Variants in KLRG1 observed in about 807,000 individuals in gnomAD.
KLRG1 encodes the protein killer cell lectin like receptor G1, also known as killer cell lectin-like receptor subfamily G member 1.
KLRG1 carries 16 observed loss-of-function variants against 21.8 expected under a neutral mutation model. The observed-to-expected ratio is 0.73, with a 90% CI of 0.50 to 1.11. The LOEUF is 1.11. Among genes scored for constraint, KLRG1 ranks in the 50% most tolerant of loss-of-function variants. The pLI is 0.00. For synonymous variants in KLRG1, 69 were observed against 75.9 expected (o/e 0.91, Z 0.47); for missense variants, 173 against 218.3 (o/e 0.79, Z 1.31).
chr12:8,971,223 G>A (rs1946561227), intron 1 of KLRG1: 2 of 151,436 alleles, frequency 1.3e-5, no homozygotes, highest in African/African-American at 2.4e-5. Flanking sequence ...AGTTTTCTTT[G>A]TGGGTAAGTG....
the KLRG1 span, among the ~76,000 whole-genome samples, chr12:9,102,555 T>G: frequency 6.6e-6 from 1 of 152,282 alleles, no homozygotes; most frequent in Admixed American, 6.5e-5. Flanking sequence ...ATCTGGATTC[T>G]AATACCTCAG....
chr12:9,174,742 T>C, the KLRG1 span, among the ~76,000 whole-genome samples: 2 of 152,096 alleles, frequency 1.3e-5, no homozygotes, highest in Non-Finnish European at 2.9e-5. Flanking sequence ...TACCTAGGAA[T>C]ACAGCTAACA....
At chr12:9,166,032 A>G in the KLRG1 span, 1 of 1,585,218 alleles carries the variant, frequency 6.3e-7, no homozygotes, top group African/African-American at 1.4e-5. Context: ...CAGCAAATGG[A>G]GGAAAGTAAA....
the KLRG1 span, among the ~76,000 whole-genome samples, chr12:9,054,331 A>C: frequency 2.0e-5 from 3 of 152,154 alleles, no homozygotes; most frequent in African/African-American, 7.2e-5. Context: ...TTATTTTTAA[A>C]ATTTAAATAT....
chr12:9,042,879 G>A, the KLRG1 span, among the ~76,000 whole-genome samples: 1 of 152,244 alleles, frequency 6.6e-6, no homozygotes, highest in African/African-American at 2.4e-5. Context: ...GCAGAGGGAA[G>A]AGGAATGGAG....
In KLRG1 at chr12:8,982,748, C is replaced by T. The variant is rs187139772; in HGVS notation, c.-155-9458C>T. On this transcript the variant is annotated intron_variant, in intron 1 of 4. Coordinates refer to the KLRG1 transcript ENST00000539240. ...GCAACCTCCACCTTTTGGGTTCAAGCAATTCTCCTGCCTCAGCCTCCCAAA... is the reference window on the plus strand; with the variant it reads ...GCAACCTCCACCTTTTGGGTTCAAGTAATTCTCCTGCCTCAGCCTCCCAAA... Among the ~76,000 whole-genome samples the T allele has an allele frequency of 3.4e-4, 52 of 151,206 alleles. No homozygotes were observed. The East Asian group carries it at 0.01, about 29-fold the overall frequency.
chr12:9,005,564 A>G (rs1335946620), intron 3 of KLRG1, among the ~76,000 whole-genome samples: 1 of 152,202 alleles, frequency 6.6e-6, no homozygotes, highest in Non-Finnish European at 1.5e-5. Flanking sequence ...CAGACGATAC[A>G]AGAAGCTGAG....
At chr12:9,112,319 T>A in the KLRG1 span, 2 of 1,598,720 alleles carry the variant, frequency 1.3e-6, no homozygotes, top group Non-Finnish European at 1.7e-6. Flanking sequence ...CTGGGGAACA[T>A]CCAGGGGAAG....
At chr12:8,965,133 A>G (rs1946446908) in intron 1 of KLRG1, among the ~76,000 whole-genome samples, 1 of 152,210 alleles carries the variant, frequency 6.6e-6, no homozygotes, top group Non-Finnish European at 1.5e-5. Context: ...ACAAAATTCA[A>G]CAACACTTCA....
chr12:9,145,087 A>C, the KLRG1 span, among the ~76,000 whole-genome samples: 1 of 152,190 alleles, frequency 6.6e-6, no homozygotes, highest in Non-Finnish European at 1.5e-5. Flanking sequence ...AGTACCTTGT[A>C]TATAGAATAT....
At chr12:9,085,094 A>C in the KLRG1 span, among the ~76,000 whole-genome samples, 1 of 152,150 alleles carries the variant, frequency 6.6e-6, no homozygotes, top group African/African-American at 2.4e-5. Flanking sequence ...GAATTTCAAC[A>C]TCTCACTTTT....
At chr12:9,039,807 C>G in the KLRG1 span, among the ~76,000 whole-genome samples, 87 of 152,340 alleles carry the variant, frequency 5.7e-4, no homozygotes, top group Non-Finnish European at 1.1e-3. Flanking sequence ...TTTGATAATA[C>G]TCAGACACAA....
At chr12:9,154,751 C>T in the KLRG1 span, 1 of 1,614,018 alleles carries the variant, frequency 6.2e-7, no homozygotes, top group Admixed American at 1.7e-5. Flanking sequence ...AGGATGTCAT[C>T]TCCACCTCAG....
intron 3 of KLRG1, among the ~76,000 whole-genome samples, chr12:9,004,863 CATTTT>C (rs1387965064): frequency 6.6e-6 from 1 of 152,026 alleles, no homozygotes; most frequent in Non-Finnish European, 1.5e-5. Context: ...ATAATGTTTA[CATTTT>C]ATTTATTATT....
chr12:9,133,036 C>G, the KLRG1 span, among the ~76,000 whole-genome samples: 1 of 151,870 alleles, frequency 6.6e-6, no homozygotes, highest in East Asian at 1.9e-4. Context: ...GAACTCAAAA[C>G]TTTATGAAAA....
the KLRG1 span, chr12:9,196,784 G>A: frequency 1.1e-5 from 10 of 885,132 alleles, no homozygotes; most frequent in African/African-American, 1.4e-4. Flanking sequence ...CTTTTTTTTT[G>A]CATTAAGTAA....
the KLRG1 span, among the ~76,000 whole-genome samples, chr12:9,180,404 A>G: frequency 6.6e-6 from 1 of 152,216 alleles, no homozygotes; most frequent in Non-Finnish European, 1.5e-5. Context: ...AAACTATACT[A>G]TAAGGCTACA....
chr12:9,066,566 T>TA, the KLRG1 span: 1 of 152,302 alleles, frequency 6.6e-6, no homozygotes, highest in African/African-American at 2.4e-5. Flanking sequence ...TCCAGGTTGG[T>TA]AGCAAGTGCG....
At chr12:9,176,497 A>C in the KLRG1 span, among the ~76,000 whole-genome samples, 1 of 152,260 alleles carries the variant, frequency 6.6e-6, no homozygotes, top group Non-Finnish European at 1.5e-5. Context: ...AACGCAGTCC[A>C]TATTCAAAAT....
Sources: gnomAD v4.1 joint callset for allele counts (sites outside exome capture counted in the v4.1 genomes callset) on GRCh38, gnomAD v4.1.1 for gene constraint, MANE v1.5 for transcripts, NCBI Gene and HGNC (gene_info 2026-07-23, HGNC 2026-07-21) for gene names.